The following ZNF892 variants were observed in gnomAD, a reference collection of about 807,000 sequenced individuals.
The protein encoded by ZNF892 is zinc finger protein 570-like.
chr2:95,245,558 C>T, the ZNF892 span, among the ~76,000 whole-genome samples: 11 of 136,914 alleles, frequency 8.0e-5, no homozygotes, highest in African/African-American at 3.1e-4. Context: ...CATGAGCCAC[C>T]GTGCCCAGCC....
the ZNF892 span, chr2:95,214,337 C>T: frequency 7.5e-6 from 3 of 398,304 alleles, no homozygotes; most frequent in Non-Finnish European, 1.3e-5. Context: ...TTATTTCAGA[C>T]TGGGAAACAA....
chr2:95,230,032 C>A, the ZNF892 span, among the ~76,000 whole-genome samples: 1 of 151,452 alleles, frequency 6.6e-6, no homozygotes, highest in Non-Finnish European at 1.5e-5. Flanking sequence ...TATATATATA[C>A]CATGGAATAA....
the ZNF892 span, among the ~76,000 whole-genome samples, chr2:95,232,615 C>T: frequency 6.6e-6 from 1 of 152,180 alleles, no homozygotes; most frequent in Non-Finnish European, 1.5e-5. Flanking sequence ...TACTTGGTGA[C>T]ATTGGAGCTT....
chr2:95,226,051 G>C, the ZNF892 span, among the ~76,000 whole-genome samples: 1 of 152,156 alleles, frequency 6.6e-6, no homozygotes, highest in Non-Finnish European at 1.5e-5. Flanking sequence ...GGGGTCATGG[G>C]AATGGCCCTG....
chr2:95,221,149 G>A, the ZNF892 span, among the ~76,000 whole-genome samples: 1 of 152,132 alleles, frequency 6.6e-6, no homozygotes, highest in East Asian at 1.9e-4. Context: ...GAGTTAGGTC[G>A]AAAATGGATG....
chr2:95,256,403 A>G, the ZNF892 span, among the ~76,000 whole-genome samples: 1 of 151,906 alleles, frequency 6.6e-6, no homozygotes, highest in African/African-American at 2.4e-5. Context: ...ATTGGCCCCC[A>G]CTCTTTTCTG....
the ZNF892 span, among the ~76,000 whole-genome samples, chr2:95,236,672 C>G: frequency 6.6e-6 from 1 of 152,174 alleles, no homozygotes; most frequent in Admixed American, 6.5e-5. Context: ...ACACTTTTGT[C>G]TGTAGCTGGT....
the ZNF892 span, among the ~76,000 whole-genome samples, chr2:95,246,710 C>T: frequency 2.6e-5 from 4 of 152,054 alleles, no homozygotes; most frequent in Non-Finnish European, 5.9e-5. Context: ...TCATATACAC[C>T]AACAACAGAC....
At chr2:95,243,161 G>T in the ZNF892 span, among the ~76,000 whole-genome samples, 3 of 152,240 alleles carry the variant, frequency 2.0e-5, no homozygotes, top group South Asian at 6.2e-4. Context: ...GCTCAGTGGT[G>T]CCCAGGCTGG....
the ZNF892 span, among the ~76,000 whole-genome samples, chr2:95,247,765 G>A: frequency 6.6e-6 from 1 of 152,086 alleles, no homozygotes; most frequent in Non-Finnish European, 1.5e-5. Context: ...AATCATCAGG[G>A]AAATGCAAAT....
chr2:95,245,547 G>T, the ZNF892 span, among the ~76,000 whole-genome samples: 2 of 140,110 alleles, frequency 1.4e-5, no homozygotes, highest in Non-Finnish European at 3.0e-5. Context: ...GGGATTACAG[G>T]CATGAGCCAC....
chr2:95,223,887 G>T, the ZNF892 span, among the ~76,000 whole-genome samples: 11 of 152,254 alleles, frequency 7.2e-5, no homozygotes, highest in Non-Finnish European at 1.5e-4. Flanking sequence ...TTCATAAGTT[G>T]CAATCCTAAC....
At chr2:95,236,729 T>C in the ZNF892 span, among the ~76,000 whole-genome samples, 2 of 152,214 alleles carry the variant, frequency 1.3e-5, no homozygotes, top group African/African-American at 4.8e-5. Flanking sequence ...CTGTCTGTGA[T>C]AGACAAAACA....
chr2:95,252,979 G>A, the ZNF892 span, among the ~76,000 whole-genome samples: 2 of 152,222 alleles, frequency 1.3e-5, no homozygotes, highest in African/African-American at 4.8e-5. Context: ...GTAGATTCTG[G>A]ATATTAGCCC....
At chr2:95,233,171 AC>A in the ZNF892 span, among the ~76,000 whole-genome samples, 1 of 150,454 alleles carries the variant, frequency 6.6e-6, no homozygotes, top group African/African-American at 2.4e-5. Context: ...TTTTACACAT[AC>A]ACACCAGACT....
At chr2:95,241,128 C>T in the ZNF892 span, among the ~76,000 whole-genome samples, 2 of 152,212 alleles carry the variant, frequency 1.3e-5, no homozygotes, top group Non-Finnish European at 2.9e-5. Context: ...CCCCACTGCC[C>T]CCAAAGCAGC....
the ZNF892 span, among the ~76,000 whole-genome samples, chr2:95,239,002 G>A: frequency 7.0e-4 from 106 of 152,104 alleles, no homozygotes; most frequent in Non-Finnish European, 1.1e-3. Flanking sequence ...AGCAGGGCGT[G>A]GTGGCGCGTG....
At chr2:95,228,509 G>C in the ZNF892 span, among the ~76,000 whole-genome samples, 2 of 152,124 alleles carry the variant, frequency 1.3e-5, no homozygotes, top group Non-Finnish European at 2.9e-5. Context: ...TGATTACTTT[G>C]TTCACATGTT....
the ZNF892 span, among the ~76,000 whole-genome samples, chr2:95,220,365 G>A: frequency 6.8e-6 from 1 of 146,460 alleles, no homozygotes; most frequent in Admixed American, 6.8e-5. Context: ...TTTTTTTTTG[G>A]TCTGTGCCTG....
Sources: allele counts gnomAD v4.1 joint callset (sites outside exome capture counted in the v4.1 genomes callset), GRCh38; gene constraint gnomAD v4.1.1; transcripts MANE v1.5; gene names NCBI Gene and HGNC (gene_info 2026-07-23, HGNC 2026-07-21).